Variants in SSH2 observed in about 807,000 individuals in gnomAD.
SSH2 encodes the protein slingshot protein phosphatase 2.
In SSH2, 37 loss-of-function variants were observed where a neutral mutation model predicts 135.2. The ratio of observed to expected loss-of-function variants is 0.27; its 90% CI spans 0.21 to 0.36. SSH2 has a LOEUF of 0.36. Ranked by LOEUF, SSH2 falls within the 10% of genes least tolerant of loss-of-function variation. SSH2 has a pLI of 1.00. For synonymous variants in SSH2, 628 were observed against 646.2 expected, an observed-to-expected ratio of 0.97 and a Z score of 0.43; for missense variants, 1,408 against 1,765.3, an observed-to-expected ratio of 0.80 and a Z score of 3.63.
At chr17:29,805,346 G>A (rs1422713762) in intron 2 of SSH2, among the ~76,000 whole-genome samples, 3 of 151,796 alleles carry the variant, frequency 2.0e-5, no homozygotes, top group South Asian at 2.1e-4. Flanking sequence ...TAGTAGAGAC[G>A]GGGTTTCACC....
intron 8 of SSH2, among the ~76,000 whole-genome samples, chr17:29,673,604 T>C (rs2037584849): frequency 6.6e-6 from 1 of 151,814 alleles, no homozygotes; most frequent in Non-Finnish European, 1.5e-5. Context: ...GTTTCCCTCA[T>C]AGCAAAAGTG....
chr17:29,909,223 A>G (rs978121729), intron 1 of SSH2, among the ~76,000 whole-genome samples: 6 of 152,268 alleles, frequency 3.9e-5, no homozygotes, highest in African/African-American at 1.2e-4. Context: ...AAAGATATAT[A>G]ACTAGGAGAA....
rs1157317724 is a variant in SSH2, at chr17:29,838,276, T to C, written c.144+10573A>G. Reference sequence around the variant, plus strand: ...CCCTCCACACACTGGGTTTGGTCACTGACAAGCATGAGATGGAGGCTGAGG... The same window carrying C: ...CCCTCCACACACTGGGTTTGGTCACCGACAAGCATGAGATGGAGGCTGAGG... On this transcript the variant is annotated intron_variant, in intron 2 of 15. Transcript: ENST00000540801. Among the ~76,000 whole-genome samples the C allele has an allele frequency of 3.3e-5, 5 of 152,310 alleles. No individual in the cohort carries two copies. The East Asian group carries it at 9.7e-4, about 30-fold the overall frequency.
intron 3 of SSH2, among the ~76,000 whole-genome samples, chr17:29,741,934 CTTTTTTT>C (rs71138848): frequency 3.1e-5 from 3 of 97,942 alleles, no homozygotes; most frequent in East Asian, 2.7e-4. Context: ...ATTTTTTTTT[CTTTTTTT>C]TTTTTTTTTT....
rs71138839 is a variant in SSH2 at position 29,638,509 on chromosome 17, T to TACACAC, written c.1428-1713_1428-1708dup. On this transcript the variant is annotated intron_variant, in intron 14 of 15. Coordinates refer to ENST00000540801, the MANE Select transcript of SSH2 (RefSeq NM_001282129.2). ...GGGAAGGCTTTTACTTTCTATATTT[T>TACACAC]ACACACACACACACACACACACACA... is the stretch of plus-strand genomic sequence containing the variant. 3.4e-3 allele frequency among the ~76,000 whole-genome samples: 444 copies of TACACAC among 128,942 alleles called. 2 individuals are homozygous for TACACAC. Among genetic ancestry groups the TACACAC allele is most frequent in the African/African-American group, 5.8e-3 (197 of 33,808 alleles). 84.6% of individuals were successfully genotyped at this position (128,942 alleles called of 152,430 possible).
At chr17:29,808,242 C>T (rs1339517810) in intron 2 of SSH2, among the ~76,000 whole-genome samples, 1 of 152,216 alleles carries the variant, frequency 6.6e-6, no homozygotes, top group Admixed American at 6.5e-5. Flanking sequence ...AATTCTCCTG[C>T]CTCAGCCTTC....
intron 4 of SSH2, among the ~76,000 whole-genome samples, chr17:29,701,363 TC>T (rs1185178003): frequency 6.7e-6 from 1 of 149,366 alleles, no homozygotes; most frequent in Non-Finnish European, 1.5e-5. Context: ...TGCCTCGGCC[TC>T]CCGAGGTGCT....
rs189676022 is a variant in SSH2 at position 29,801,988 on chromosome 17, G to A, written c.145-8051C>T. On this transcript the variant is annotated intron_variant, in intron 2 of 15. Transcript: ENST00000540801. The stretch of plus-strand genomic sequence containing the variant: ...ACCTTACCCAAAGACTATCCTTTTG[G>A]TTAAGCAGACAGAATCATTTACTTG... 4.9e-4 allele frequency among the ~76,000 whole-genome samples: 74 copies of A among 152,294 alleles called. 1 individual carries two copies. The highest frequency in any genetic ancestry group is 1.9e-3 in the Admixed American group (29 of 15,302).
intron 2 of SSH2, among the ~76,000 whole-genome samples, chr17:29,805,583 G>T (rs1232546358): frequency 6.6e-6 from 1 of 152,118 alleles, no homozygotes; most frequent in East Asian, 1.9e-4. Flanking sequence ...AGCCAAGGCG[G>T]ATGTGTTTAT....
At chr17:29,858,871 C>CA (rs566318445) in intron 1 of SSH2, among the ~76,000 whole-genome samples, 31 of 149,258 alleles carry the variant, frequency 2.1e-4, no homozygotes, top group East Asian at 1.2e-3. Context: ...GACCCTGTCT[C>CA]AAAAAAAAAT....
chr17:29,884,599 G>C (rs2066199751), intron 1 of SSH2, among the ~76,000 whole-genome samples: 1 of 152,086 alleles, frequency 6.6e-6, no homozygotes, highest in African/African-American at 2.4e-5. Flanking sequence ...TACCTCAGCT[G>C]GTCCGCAACT....
At chr17:29,800,068 G>C (rs1472656920) in intron 2 of SSH2, among the ~76,000 whole-genome samples, 2 of 152,110 alleles carry the variant, frequency 1.3e-5, no homozygotes, top group Non-Finnish European at 2.9e-5. Flanking sequence ...CAAAAGCGTA[G>C]AAAATTCCTT....
chr17:29,862,638 A>G (rs1253542532), intron 1 of SSH2, among the ~76,000 whole-genome samples: 1 of 152,172 alleles, frequency 6.6e-6, no homozygotes, highest in African/African-American at 2.4e-5. Flanking sequence ...CATTTCTCAG[A>G]GCCTCTTAGC....
chr17:29,817,518 A>C (rs957721635), intron 2 of SSH2, among the ~76,000 whole-genome samples: 6 of 152,184 alleles, frequency 3.9e-5, no homozygotes, highest in Non-Finnish European at 7.3e-5. Context: ...CATGATACTC[A>C]AAGTCATTAG....
chr17:29,813,555 C>A (rs568951357), intron 2 of SSH2, among the ~76,000 whole-genome samples: 11 of 151,868 alleles, frequency 7.2e-5, no homozygotes, highest in African/African-American at 2.7e-4. Flanking sequence ...CGGTGGCTCA[C>A]GCCTGTAATC....
At chr17:29,786,167 G>C (rs1357901324) in intron 3 of SSH2, among the ~76,000 whole-genome samples, 1 of 152,154 alleles carries the variant, frequency 6.6e-6, no homozygotes, top group African/African-American at 2.4e-5. Context: ...CATCACACAA[G>C]AAAAAGTTGA....
intron 3 of SSH2, among the ~76,000 whole-genome samples, chr17:29,746,866 A>G (rs2040781284): frequency 6.6e-6 from 1 of 152,198 alleles, no homozygotes; most frequent in Non-Finnish European, 1.5e-5. Context: ...CATAAACCTG[A>G]CCAGCTTTTT....
chr17:29,796,176 C>G (rs1485932742), intron 2 of SSH2, among the ~76,000 whole-genome samples: 1 of 152,240 alleles, frequency 6.6e-6, no homozygotes, highest in Non-Finnish European at 1.5e-5. Context: ...ACTGTTGCTT[C>G]TGTTTGCCTC....
intron 3 of SSH2, among the ~76,000 whole-genome samples, chr17:29,772,919 G>C (rs2036016566): frequency 6.6e-6 from 1 of 151,940 alleles, no homozygotes; most frequent in South Asian, 2.1e-4. Context: ...TTTTGGACTT[G>C]GACTGAGAAA....
Sources: gnomAD v4.1 joint callset for allele counts (sites outside exome capture counted in the v4.1 genomes callset) on GRCh38, gnomAD v4.1.1 for gene constraint, MANE v1.5 for transcripts, NCBI Gene and HGNC (gene_info 2026-07-23, HGNC 2026-07-21) for gene names.